Variants in CEP120 observed in about 807,000 individuals in gnomAD.
The protein encoded by CEP120 is centrosomal protein 120.
In CEP120, 113 loss-of-function variants were observed where a neutral mutation model predicts 126.5. That is an observed-to-expected ratio of 0.89 (90% CI 0.77 to 1.04). CEP120 has a LOEUF of 1.04. CEP120 is among the 50% of genes least tolerant of loss of function. The pLI is 0.00. For missense variants in CEP120, 1,230 were observed against 1,155.7 expected (o/e 1.06, Z -0.93); for synonymous variants, 400 against 394.3 (o/e 1.01, Z -0.17).
At chr5:123,382,073 T>G (rs1771685670) in intron 14 of CEP120, 38 bp downstream of exon 14, 1 of 1,316,344 alleles carries the variant, frequency 7.6e-7, no homozygotes, top group African/African-American at 1.5e-5. Context: ...ATCATTAATA[T>G]TCTTCCTTCT....
At chr5:123,373,817 T>C (rs897991622) in intron 16 of CEP120, among the ~76,000 whole-genome samples, 2 of 152,012 alleles carry the variant, frequency 1.3e-5, no homozygotes, top group Non-Finnish European at 2.9e-5. Flanking sequence ...TGTTTCCTTT[T>C]TCCCAGAGAC....
At chr5:123,395,991 T>C (rs985843946) in intron 5 of CEP120, among the ~76,000 whole-genome samples, 13 of 78,580 alleles carry the variant, frequency 1.7e-4, no homozygotes, top group African/African-American at 7.5e-4. Flanking sequence ...CTCCATTCCT[T>C]TTTTTTTTTT....
In CEP120 at chr5:123,372,662, G is replaced by A. The variant is rs138075758; in HGVS notation, c.2469C>T (p.Leu823=). ...EIRLQSEINL[L]TLEKVELERK... ...TTAACATGTGTACCTTTTCCAAGGT[G>A]AGAAGATTTATTTCAGACTGTAGAC... Residue 823 remains leucine, a synonymous_variant, in exon 17 of 20, where the codon CTC becomes CTT. Coordinates refer to ENST00000306467, the MANE Select transcript of CEP120 (RefSeq NM_001375405.1). The A allele has an allele frequency of 6.2e-6, 10 of 1,612,034 alleles. No individual in the cohort carries two copies. In the African/African-American group the frequency reaches 9.4e-5, roughly 15 times the overall value.
At chr5:123,419,319 C>T (rs990828103) in intron 1 of CEP120, among the ~76,000 whole-genome samples, 33 of 152,238 alleles carry the variant, frequency 2.2e-4, no homozygotes, top group Admixed American at 1.2e-3. Flanking sequence ...AACAAATTTG[C>T]CTGCAGCTTA....
At chr5:123,387,976 T>C (rs939455785) in intron 9 of CEP120, among the ~76,000 whole-genome samples, 1 of 152,070 alleles carries the variant, frequency 6.6e-6, no homozygotes, top group Non-Finnish European at 1.5e-5. Context: ...GCTCCCATTA[T>C]AATACAGTTT....
intron 16 of CEP120, among the ~76,000 whole-genome samples, chr5:123,375,794 T>C (rs1771172165): frequency 6.6e-6 from 1 of 152,102 alleles, no homozygotes; most frequent in Non-Finnish European, 1.5e-5. Context: ...CAACTTTATC[T>C]TTTGTATTTT....
chr5:123,415,586 C>T (rs192936039), intron 3 of CEP120, among the ~76,000 whole-genome samples: 12 of 152,224 alleles, frequency 7.9e-5, no homozygotes, highest in Admixed American at 7.2e-4. Flanking sequence ...TAAGAACTGC[C>T]ATATTGGCTG....
chr5:123,384,566 A>T (rs575116807), intron 11 of CEP120, among the ~76,000 whole-genome samples: 1 of 152,256 alleles, frequency 6.6e-6, no homozygotes, highest in East Asian at 1.9e-4. Context: ...TTAAGTGGAA[A>T]AACAGTCTTA....
intron 11 of CEP120, among the ~76,000 whole-genome samples, chr5:123,384,100 T>C (rs1224542231): frequency 6.6e-6 from 1 of 152,126 alleles, no homozygotes; most frequent in African/African-American, 2.4e-5. Context: ...AAGTTAATAT[T>C]CATAACAAAC....
intron 4 of CEP120, among the ~76,000 whole-genome samples, chr5:123,410,563 A>C (rs1477423171): frequency 2.0e-5 from 3 of 152,224 alleles, no homozygotes; most frequent in Non-Finnish European, 4.4e-5. Flanking sequence ...TTGACAAAGG[A>C]GCAAAGGCAA....
At chr5:123,419,801 A>C (rs1020483078) in intron 1 of CEP120, among the ~76,000 whole-genome samples, 73 of 152,292 alleles carry the variant, frequency 4.8e-4, no homozygotes, top group African/African-American at 1.7e-3. Flanking sequence ...TGCTCTAAAA[A>C]AACTGAGGAT....
intron 17 of CEP120, among the ~76,000 whole-genome samples, chr5:123,371,193 T>TTAC (rs1562019881): frequency 4.6e-5 from 7 of 152,064 alleles, no homozygotes; most frequent in Non-Finnish European, 7.4e-5. Flanking sequence ...ATGATGCCTA[T>TTAC]ATTAGTCTGT....
intron 6 of CEP120, 40 bp downstream of exon 6, chr5:123,393,260 A>C: frequency 6.3e-7 from 1 of 1,586,352 alleles, no homozygotes; most frequent in African/African-American, 1.3e-5. Flanking sequence ...AATGCTTAAA[A>C]GACCACCTCC....
chr5:123,422,491 C>A, intron 1 of CEP120: 1 of 1,535,012 alleles, frequency 6.5e-7, no homozygotes, highest in South Asian at 1.2e-5. Flanking sequence ...ATAATACACC[C>A]TCTTAAGAAC....
rs1346510525 is a variant in CEP120, at chr5:123,391,095, A to C, written c.1038+15T>G. The C allele has an allele frequency of 6.3e-7, 1 of 1,592,442 alleles. No homozygotes were observed. The highest frequency in any genetic ancestry group is 1.1e-5 in the South Asian group (1 of 89,294). ...ACTAGTGAAGCCAGGGGAATGAAGGAGGGCCACTACTTGCCTGGGAGTCTA... is the reference window on the plus strand; with the variant it reads ...ACTAGTGAAGCCAGGGGAATGAAGGCGGGCCACTACTTGCCTGGGAGTCTA... On this transcript the variant is annotated intron_variant, in intron 7 of 19. Coordinates refer to ENST00000306467, the MANE Select transcript of CEP120 (RefSeq NM_001375405.1).
rs934093832 is a variant in CEP120, at chr5:123,345,203, C to T, written c.*1316G>A. 6.6e-6 allele frequency: 1 copy of T among 152,032 alleles called. No homozygotes were observed. The highest frequency in any genetic ancestry group is 1.5e-5 in the Non-Finnish European group (1 of 67,996). The allele number at this position is 152,032 out of a possible 1,614,324, so 9.4% of individuals were successfully genotyped here. On this transcript the variant is annotated 3_prime_UTR_variant, in exon 20 of 20. Transcript: ENST00000306467. ...TCCTGCTATGATTCAGATTCATTATCCTCTCATTCAGTAATTTCTTTATTA... is the reference window on the plus strand; with the variant it reads ...TCCTGCTATGATTCAGATTCATTATTCTCTCATTCAGTAATTTCTTTATTA...
chr5:123,421,710 G>C (rs1774727895), intron 1 of CEP120, among the ~76,000 whole-genome samples: 1 of 148,108 alleles, frequency 6.8e-6, no homozygotes, highest in South Asian at 2.1e-4. Flanking sequence ...CTACATCCTT[G>C]GAGGGAATGG....
At chr5:123,351,797 G>C (rs149877717) in intron 18 of CEP120, among the ~76,000 whole-genome samples, 99 of 152,246 alleles carry the variant, frequency 6.5e-4, no homozygotes, top group Middle Eastern at 3.4e-3. Context: ...ATAGGGTCAG[G>C]TGTAGATTTT....
chr5:123,422,170 G>A (rs1410649281), intron 1 of CEP120, among the ~76,000 whole-genome samples: 4 of 152,092 alleles, frequency 2.6e-5, no homozygotes, highest in Non-Finnish European at 4.4e-5. Flanking sequence ...CATACTTTAA[G>A]TGCTCCCTGC....
Sources: allele counts gnomAD v4.1 joint callset (sites outside exome capture counted in the v4.1 genomes callset), GRCh38; gene constraint gnomAD v4.1.1; transcripts MANE v1.5; gene names NCBI Gene and HGNC (gene_info 2026-07-23, HGNC 2026-07-21).